CHD9: variants seen among roughly 807,000 people sequenced by gnomAD.
CHD9 encodes chromodomain helicase DNA binding protein 9, also known as ATP-dependent chromatin remodeler CHD9.
A neutral mutation model predicts 316.1 loss-of-function variants in CHD9; 77 were observed. That is an observed-to-expected ratio of 0.24 (90% confidence interval 0.20 to 0.29). The LOEUF (loss-of-function observed/expected upper bound fraction) is 0.29. Ranked by LOEUF, CHD9 falls within the 10% of genes least tolerant of loss-of-function variation. CHD9 has a pLI of 1.00. For missense variants in CHD9, 2,763 were observed against 3,438.1 expected (o/e 0.80, Z 4.91); for synonymous variants, 1,129 against 1,158.3 (o/e 0.97, Z 0.51).
chr16:53,316,937 G>A (rs746085152), intron 36 of CHD9, among the ~76,000 whole-genome samples: 11 of 152,088 alleles, frequency 7.2e-5, no homozygotes, highest in Non-Finnish European at 1.0e-4. Context: ...GGTAGCTCAC[G>A]CCTGTAATCC....
chr16:53,308,549 A>G, intron 33 of CHD9, 137 bp from the exon 34 acceptor site: 2 of 641,530 alleles, frequency 3.1e-6, no homozygotes, highest in East Asian at 2.8e-5. Context: ...TGACTGATTT[A>G]TGAATGAGAA....
At position 53,304,382 on chromosome 16, in the gene CHD9, A is replaced by G. The variant is rs758651429; in HGVS notation, c.6376A>G (p.Arg2126Gly). Residue 2126 changes from arginine to glycine, a missense_variant, in exon 31 of 39, where the codon AGG becomes GGG. This residue lies in a region of CHD9 where 663 missense variants were observed against 751.2 expected (regional missense o/e 0.88). Coordinates refer to ENST00000447540, the MANE Select transcript of CHD9 (RefSeq NM_001308319.2). ...PASKKPRVHK[R>G]GSESSSDSDS... ...TTCTAAGAAACCAAGAGTCCACAAAAGGGGATCAGAATCTAGTTCTGATTC... is the reference window on the plus strand; with the variant it reads ...TTCTAAGAAACCAAGAGTCCACAAAGGGGGATCAGAATCTAGTTCTGATTC... The G allele has an allele frequency of 8.1e-6, 13 of 1,613,062 alleles. No homozygotes were observed. Among genetic ancestry groups the G allele is most frequent in the Non-Finnish European group, 1.1e-5 (13 of 1,179,592 alleles).
intron 24 of CHD9, among the ~76,000 whole-genome samples, chr16:53,279,396 G>A (rs1301129731): frequency 6.6e-6 from 1 of 152,122 alleles, no homozygotes; most frequent in Non-Finnish European, 1.5e-5. Flanking sequence ...AGCATTAGGA[G>A]ATATACCTAA....
intron 36 of CHD9, among the ~76,000 whole-genome samples, chr16:53,316,265 T>C (rs1236725569): frequency 3.3e-5 from 5 of 152,152 alleles, no homozygotes; most frequent in Admixed American, 3.3e-4. Flanking sequence ...CACTGTAACT[T>C]CCTAACATGT....
chr16:53,086,131 G>A (rs748802837), intron 1 of CHD9, among the ~76,000 whole-genome samples: 9 of 152,128 alleles, frequency 5.9e-5, no homozygotes, highest in Admixed American at 1.3e-4. Context: ...TCAAGGGGAC[G>A]TGCGGAAATT....
chr16:53,293,133 C>T (rs1348204147), intron 29 of CHD9, 81 bp downstream of exon 29: 25 of 1,207,634 alleles, frequency 2.1e-5, no homozygotes, highest in East Asian at 2.0e-4. Flanking sequence ...ACAATTATCA[C>T]GCTTTGTGGA....
chr16:53,156,142 C>A lies in CHD9; in HGVS notation c.53C>A (p.Thr18Asn), dbSNP rs1393376572. 3.1e-6 allele frequency: 5 copies of A among 1,613,588 alleles called. No homozygotes were observed. Among genetic ancestry groups the A allele is most frequent in the African/African-American group, 1.3e-5 (1 of 74,866 alleles). The change falls in exon 2 of 39, where the codon ACC (threonine) becomes AAC (asparagine). Residue 18 changes from threonine to asparagine, a missense_variant. This residue lies in a region of CHD9 where 859 missense variants were observed against 890.4 expected (regional missense o/e 0.96). Transcript: ENST00000447540. The part of the protein sequence containing the change: ...FFDDANLFGE[T>N]LEGLSDDAFV... ...GATGATGCCAATCTTTTTGGTGAGACCTTAGAAGGTTTGTCAGATGATGCA... is the reference window on the plus strand; with the variant it reads ...GATGATGCCAATCTTTTTGGTGAGAACTTAGAAGGTTTGTCAGATGATGCA...
At position 53,156,102 on chromosome 16, in the gene CHD9, A is replaced by T. The variant is rs776868081; in HGVS notation, c.13A>T (p.Met5Leu). Residue 5 changes from methionine (M) to leucine (L), a missense_variant, in exon 2 of 39, where the codon ATG becomes TTG. Transcript: ENST00000447540. MTDP[M>L]MDFFDDANLF... Reference sequence around the variant, plus strand: ...CAGAATTTTCAAGATGACAGATCCAATGATGGACTTTTTTGATGATGCCAA... The same window carrying T: ...CAGAATTTTCAAGATGACAGATCCATTGATGGACTTTTTTGATGATGCCAA... 1 of 1,612,618 alleles carries T rather than the reference A, an allele frequency of 6.2e-7. No homozygotes were observed. Among genetic ancestry groups the T allele is most frequent in the Non-Finnish European group, 8.5e-7 (1 of 1,179,126 alleles).
intron 24 of CHD9, among the ~76,000 whole-genome samples, chr16:53,276,075 CACTT>C (rs1322655293): frequency 1.3e-5 from 2 of 152,174 alleles, no homozygotes; most frequent in African/African-American, 4.8e-5. Context: ...CACATCTTAA[CACTT>C]ACTCACTAGC....
At chr16:53,177,861 G>C (rs1242122969) in intron 2 of CHD9, among the ~76,000 whole-genome samples, 1 of 152,150 alleles carries the variant, frequency 6.6e-6, no homozygotes, top group Non-Finnish European at 1.5e-5. Context: ...GCAGAAGCAG[G>C]CTATTCTACT....
rs560681068 is a variant in CHD9 at position 53,245,009 on chromosome 16, G to A, written c.3055-327G>A. 1.3e-5 allele frequency among the ~76,000 whole-genome samples: 2 copies of A among 151,984 alleles called. No homozygotes were observed. The highest frequency in any genetic ancestry group is 2.9e-5 in the Non-Finnish European group (2 of 67,954). On this transcript the variant is annotated intron_variant, in intron 13 of 38. Transcript: ENST00000447540. The surrounding 1 kb of genome is among the most constrained non-coding windows in gnomAD (Gnocchi z 4.1). The stretch of plus-strand genomic sequence containing the variant: ...TGCATACCTGTAGTCCTAGCTACTC[G>A]GGAGTCTGAGGCAGGAGGATCCCTT...
chr16:53,230,664 A>G (rs2048089729), intron 8 of CHD9, among the ~76,000 whole-genome samples: 1 of 152,210 alleles, frequency 6.6e-6, no homozygotes, highest in South Asian at 2.1e-4. Context: ...GGAGCGATAT[A>G]TAAGATTTAT....
chr16:53,238,577 G>A lies in CHD9; in HGVS notation c.2868G>A (p.Arg956=). Reference sequence around the variant, plus strand: ...TACAGCAATACGAGATGTACTTCAGGGATTCACAGGTGTGTTATTGATTAT... The same window carrying A: ...TACAGCAATACGAGATGTACTTCAGAGATTCACAGGTGTGTTATTGATTAT... ...QMIQQYEMYF[R]DSQGRIIRGA... Residue 956 remains arginine, a synonymous_variant, in exon 12 of 39, where the codon AGG becomes AGA. Transcript: ENST00000447540. 6.2e-7 allele frequency: 1 copy of A among 1,612,642 alleles called. No individual in the cohort carries two copies. The highest frequency in any genetic ancestry group is 8.5e-7 in the Non-Finnish European group (1 of 1,179,104).
At chr16:53,173,620 C>CTGCAA (rs1261178132) in intron 2 of CHD9, among the ~76,000 whole-genome samples, 3 of 152,064 alleles carry the variant, frequency 2.0e-5, no homozygotes, top group African/African-American at 7.2e-5. Context: ...TCTCAGCTCA[C>CTGCAA]TGCAAGCTCT....
intron 1 of CHD9, among the ~76,000 whole-genome samples, chr16:53,070,502 T>G (rs2033932526): frequency 7.4e-6 from 1 of 134,506 alleles, no homozygotes; most frequent in Non-Finnish European, 1.6e-5. Flanking sequence ...CCTTCCTTCC[T>G]TCCTTCCTTC....
chr16:53,217,358 A>AT (rs2046845659), intron 3 of CHD9, among the ~76,000 whole-genome samples: 1 of 152,164 alleles, frequency 6.6e-6, no homozygotes, highest in Non-Finnish European at 1.5e-5. Context: ...GGTTCAAACG[A>AT]TTCTCCTGCC....
chr16:53,260,434 A>G (rs1471465627), intron 19 of CHD9, among the ~76,000 whole-genome samples: 1 of 152,178 alleles, frequency 6.6e-6, no homozygotes, highest in Non-Finnish European at 1.5e-5. Flanking sequence ...AGCCATGATC[A>G]TACAGCTGTA....
intron 29 of CHD9, among the ~76,000 whole-genome samples, chr16:53,294,369 C>A (rs1040992528): frequency 1.3e-5 from 2 of 152,216 alleles, no homozygotes; most frequent in African/African-American, 4.8e-5. Flanking sequence ...TTTTCAAATA[C>A]TACCGCCTCT....
At position 53,167,266 on chromosome 16, in the gene CHD9, T is replaced by C. The variant is rs142974168; in HGVS notation, c.1452+9725T>C. Among the ~76,000 whole-genome samples the C allele has an allele frequency of 2.9e-3, 437 of 152,342 alleles. 4 individuals carry two copies. The highest frequency in any genetic ancestry group is 0.01 in the African/African-American group (421 of 41,590). On this transcript the variant is annotated intron_variant, in intron 2 of 38. Transcript: ENST00000447540. ...TACTGTACCTTGTCAAATGTAGGTA[T>C]AAATTGTATATACATGTGAATGAAT... is the stretch of plus-strand genomic sequence containing the variant.
Sources: allele counts gnomAD v4.1 joint callset (sites outside exome capture counted in the v4.1 genomes callset), GRCh38; gene constraint gnomAD v4.1.1; regional missense constraint gnomAD v4.1.1; non-coding constraint Gnocchi (gnomAD v3.1); transcripts MANE v1.5; gene names NCBI Gene and HGNC (gene_info 2026-07-23, HGNC 2026-07-21).